The following CDH13 variants were observed in gnomAD, a reference collection of about 807,000 sequenced individuals.
CDH13 encodes the protein cadherin 13.
CDH13 carries 24 observed loss-of-function variants against 63.8 expected under a neutral mutation model. The ratio of observed to expected loss-of-function variants is 0.38; its 90% CI spans 0.27 to 0.53. The LOEUF (loss-of-function observed/expected upper bound fraction) is 0.53, where lower values mean the gene tolerates loss of function less well. CDH13 is among the 20% of genes least tolerant of loss of function. The probability of loss-of-function intolerance (pLI) is 0.85; values close to 1 mark genes in which losing one functional copy is unlikely to be tolerated. For missense variants in CDH13, 1,049 were observed against 903.1 expected, an observed-to-expected ratio of 1.16 and a Z score of -2.07; for synonymous variants, 503 against 355.3, an observed-to-expected ratio of 1.42 and a Z score of -4.67.
intron 6 of CDH13, among the ~76,000 whole-genome samples, chr16:83,359,637 A>C (rs1389580328): frequency 6.6e-6 from 1 of 152,158 alleles, no homozygotes; most frequent in East Asian, 1.9e-4. Context: ...GCACATTCGA[A>C]ATGATTCATT....
intron 6 of CDH13, among the ~76,000 whole-genome samples, chr16:83,399,744 C>G (rs766028958): frequency 1.3e-5 from 2 of 152,162 alleles, no homozygotes; most frequent in Non-Finnish European, 2.9e-5. Context: ...AACTAAACCA[C>G]GCTAGACTCT....
intron 7 of CDH13, among the ~76,000 whole-genome samples, chr16:83,533,137 C>T (rs1021400304): frequency 6.6e-6 from 1 of 152,200 alleles, no homozygotes; most frequent in Non-Finnish European, 1.5e-5. Flanking sequence ...GAGATGCTAA[C>T]TCTGTCTCCA....
intron 2 of CDH13, among the ~76,000 whole-genome samples, chr16:82,962,252 G>A (rs72790175): frequency 0.054 from 8,173 of 152,262 alleles, 289 homozygotes; most frequent in East Asian, 0.15. Context: ...TATAACCATA[G>A]AGGCAGAAAT....
intron 4 of CDH13, among the ~76,000 whole-genome samples, chr16:83,171,896 C>T (rs1445858373): frequency 2.6e-5 from 4 of 152,156 alleles, no homozygotes; most frequent in Non-Finnish European, 5.9e-5. Context: ...TTCTCAAAAT[C>T]TGTCCCTCTG....
At chr16:83,136,541 C>A (rs1001721033) in intron 4 of CDH13, among the ~76,000 whole-genome samples, 3 of 146,860 alleles carry the variant, frequency 2.0e-5, no homozygotes, top group Non-Finnish European at 4.5e-5. Context: ...GAGAAACATA[C>A]AAGCCAGGGG....
chr16:83,356,396 C>T (rs1055398919), intron 6 of CDH13, among the ~76,000 whole-genome samples: 34 of 152,196 alleles, frequency 2.2e-4, no homozygotes, highest in Middle Eastern at 3.4e-3. Flanking sequence ...CTCCCCCTAG[C>T]GGTAGTTTGA....
intron 7 of CDH13, among the ~76,000 whole-genome samples, chr16:83,544,941 A>G (rs572398790): frequency 6.6e-6 from 1 of 152,334 alleles, no homozygotes; most frequent in East Asian, 1.9e-4. Context: ...AGGTATTAAG[A>G]AAGAGAAATG....
intron 5 of CDH13, among the ~76,000 whole-genome samples, chr16:83,285,154 G>A (rs936217833): frequency 1.3e-5 from 2 of 152,100 alleles, no homozygotes; most frequent in Non-Finnish European, 2.9e-5. Flanking sequence ...GATCCTACCT[G>A]TAGATTCTTG....
chr16:82,818,080 TTATA>T (rs139691500), intron 1 of CDH13, among the ~76,000 whole-genome samples: 3,352 of 151,880 alleles, frequency 0.022, 112 homozygotes, highest in African/African-American at 0.076. Flanking sequence ...GCACACATGT[TTATA>T]TATGAATGTA....
chr16:83,268,781 C>T (rs1597626464), intron 5 of CDH13, among the ~76,000 whole-genome samples: 1 of 152,122 alleles, frequency 6.6e-6, no homozygotes, highest in Non-Finnish European at 1.5e-5. Context: ...TGGGTATAAC[C>T]ACTTGAAGCT....
At chr16:83,098,335 T>A (rs1187402487) in intron 3 of CDH13, among the ~76,000 whole-genome samples, 3 of 152,256 alleles carry the variant, frequency 2.0e-5, no homozygotes, top group African/African-American at 7.2e-5. Context: ...TAGTTGCTCA[T>A]AGGTTGTAAA....
intron 10 of CDH13, among the ~76,000 whole-genome samples, chr16:83,705,470 A>C (rs1026461637): frequency 1.3e-5 from 2 of 152,038 alleles, no homozygotes; most frequent in Non-Finnish European, 2.9e-5. Context: ...AAAATACAAA[A>C]AATTAGCCGG....
chr16:83,583,545 T>G (rs76507688), intron 7 of CDH13, among the ~76,000 whole-genome samples: 5 of 152,222 alleles, frequency 3.3e-5, no homozygotes, highest in African/African-American at 1.2e-4. Context: ...ATAGGGATTA[T>G]CCCATTTTAT....
chr16:83,307,189 C>G (rs181474632), intron 5 of CDH13, among the ~76,000 whole-genome samples: 27 of 152,268 alleles, frequency 1.8e-4, no homozygotes, highest in Admixed American at 1.6e-3. Context: ...TTCCCTACCC[C>G]CGTGGCTGAG....
At chr16:82,803,098 G>A (rs1021522038) in intron 1 of CDH13, among the ~76,000 whole-genome samples, 49 of 152,288 alleles carry the variant, frequency 3.2e-4, no homozygotes, top group African/African-American at 9.9e-4. Context: ...TTTATAAAAA[G>A]GCGAAGACTG....
At chr16:82,958,776 A>G (rs1363136729) in intron 2 of CDH13, among the ~76,000 whole-genome samples, 1 of 152,252 alleles carries the variant, frequency 6.6e-6, no homozygotes, top group Non-Finnish European at 1.5e-5. Context: ...AAAGCAGGAA[A>G]GAGAGACGGT....
Position 83,646,928 on chromosome 16 carries a change from T to C in CDH13, c.1102-23862T>C, listed in dbSNP as rs547030663. 8.2e-4 allele frequency among the ~76,000 whole-genome samples: 125 copies of C among 152,106 alleles called. 1 individual carries two copies. The highest frequency in any genetic ancestry group is 2.8e-3 in the African/African-American group (118 of 41,484). Reference sequence around the variant, plus strand: ...TGAGGCCTGGAACTTGCAGTCCACATCACAGCATCATTTACGTTTTGTCCT... The same window carrying C: ...TGAGGCCTGGAACTTGCAGTCCACACCACAGCATCATTTACGTTTTGTCCT... On this transcript the variant is annotated intron_variant, in intron 8 of 13. Coordinates refer to ENST00000567109, the MANE Select transcript of CDH13 (RefSeq NM_001257.5).
intron 3 of CDH13, among the ~76,000 whole-genome samples, chr16:83,075,384 G>C (rs2032759757): frequency 6.6e-6 from 1 of 152,182 alleles, no homozygotes; most frequent in Admixed American, 6.5e-5. Context: ...GTTAGCGCTA[G>C]TTACATGTAG....
intron 2 of CDH13, among the ~76,000 whole-genome samples, chr16:82,888,128 A>G (rs1476480276): frequency 6.6e-6 from 1 of 152,196 alleles, no homozygotes; most frequent in Non-Finnish European, 1.5e-5. Flanking sequence ...CCAAGTTCCA[A>G]AAAGCACCGA....
Sources: allele counts gnomAD v4.1 joint callset (sites outside exome capture counted in the v4.1 genomes callset), GRCh38; gene constraint gnomAD v4.1.1; transcripts MANE v1.5; gene names NCBI Gene and HGNC (gene_info 2026-07-23, HGNC 2026-07-21).